Variants in PRUNE1 observed in about 807,000 individuals in gnomAD.
PRUNE1 encodes the protein exopolyphosphatase PRUNE1.
PRUNE1 carries 25 observed loss-of-function variants against 42.5 expected under a neutral mutation model. The ratio of observed to expected loss-of-function variants is 0.59; its 90% confidence interval spans 0.43 to 0.82. The LOEUF is 0.82. Among genes scored for constraint, PRUNE1 ranks in the 40% least tolerant of loss-of-function variants. PRUNE1 has a pLI of 0.00. For synonymous variants in PRUNE1, 203 were observed against 217.1 expected (o/e 0.93, Z 0.57); for missense variants, 443 against 539.3 (o/e 0.82, Z 1.77).
At chr1:151,009,206 G>GTATT (rs1673584726) in intron 1 of PRUNE1, among the ~76,000 whole-genome samples, 1 of 152,140 alleles carries the variant, frequency 6.6e-6, no homozygotes, top group Admixed American at 6.5e-5. Context: ...GTTAGAAGTA[G>GTATT]TCACAGTATT....
intron 6 of PRUNE1, among the ~76,000 whole-genome samples, chr1:151,027,788 G>GCGCA (rs1178253191): frequency 1.3e-3 from 202 of 151,398 alleles, no homozygotes; most frequent in African/African-American, 4.7e-3. Context: ...GTGTGCGCGC[G>GCGCA]CGTGTATGTA....
In PRUNE1 at chr1:151,033,819, T is replaced by G; in HGVS notation, c.947T>G (p.Leu316Arg). The G allele has an allele frequency of 6.2e-7, 1 of 1,613,736 alleles. No homozygotes were observed. Among genetic ancestry groups the G allele is most frequent in the Non-Finnish European group, 8.5e-7 (1 of 1,179,692 alleles). The change falls in exon 8 of 8, where the codon CTG (leucine) becomes CGG (arginine). Residue 316 changes from leucine (L) to arginine (R), a missense_variant. Transcript: ENST00000271620. ...TCTCCTCTTTAGATCTGTGAAGTCC[T>G]GGAACGCTCCCACTCTCCACCCCTG... ...VALQTTICEVLERSHSPPLKL... is the reference protein window; with the variant it reads ...VALQTTICEVRERSHSPPLKL...
Position 151,008,609 on chromosome 1 carries a change from C to G in PRUNE1, c.-24C>G. The G allele has an allele frequency of 1.2e-6, 2 of 1,614,064 alleles. No individual in the cohort carries two copies. The highest frequency in any genetic ancestry group is 1.7e-6 in the Non-Finnish European group (2 of 1,179,946). On this transcript the variant is annotated 5_prime_UTR_variant, in exon 1 of 8. Transcript: ENST00000271620. ...AGGGGCACCTCTACTCGACCAGGGG[C>G]GACGGCGTACTTTGGGCTTCATCAT... is the stretch of plus-strand genomic sequence containing the variant.
chr1:151,027,584 A>ATTTTTTT (rs34162206), intron 6 of PRUNE1, among the ~76,000 whole-genome samples: 3,575 of 134,836 alleles, frequency 0.027, 168 homozygotes, highest in African/African-American at 0.094. Flanking sequence ...GTCTTTTTTA[A>ATTTTTTT]TTTTTTTTTT....
rs1228458165 is a variant in PRUNE1, at chr1:151,035,473, C to T, written c.*1239C>T. The T allele has an allele frequency of 2.0e-5, 3 of 152,532 alleles. No homozygotes were observed. The highest frequency in any genetic ancestry group is 4.4e-5 in the Non-Finnish European group (3 of 68,020). The allele number at this position is 152,532 out of a possible 1,614,324, so 9.4% of individuals were successfully genotyped here. On this transcript the variant is annotated 3_prime_UTR_variant, in exon 8 of 8. Coordinates refer to ENST00000271620, the MANE Select transcript of PRUNE1 (RefSeq NM_021222.3). ...ACGCAACCCTTTCCCCTTTTTCCTA[C>T]CCCACAGCTCTGTTCCATGTAAGTT...
intron 6 of PRUNE1, 73 bp from the exon 7 acceptor site, chr1:151,028,713 G>A (rs757692095): frequency 2.6e-5 from 39 of 1,514,612 alleles, no homozygotes; most frequent in Admixed American, 9.0e-5. Flanking sequence ...GTAAGCGACC[G>A]TGCCCGGCCC....
In PRUNE1 at chr1:151,018,566, A is replaced by T. The variant is rs1403481190; in HGVS notation, c.232A>T (p.Ile78Phe). 6.2e-7 allele frequency: 1 copy of T among 1,613,964 alleles called. No homozygotes were observed. The highest frequency in any genetic ancestry group is 8.5e-7 in the Non-Finnish European group (1 of 1,179,926). Reference protein sequence around the residue: ...DIVFFLQKVHIPESILIFRDE... With the variant: ...DIVFFLQKVHFPESILIFRDE... ...TGTCTTCTTTCTTCAGAAGGTTCATATTCCAGAGAGTATCTTGATTTTTCG... is the reference window on the plus strand; with the variant it reads ...TGTCTTCTTTCTTCAGAAGGTTCATTTTCCAGAGAGTATCTTGATTTTTCG... The change falls in exon 3 of 8, where the codon ATT (isoleucine) becomes TTT (phenylalanine). Residue 78 changes from isoleucine to phenylalanine, a missense_variant. Transcript: ENST00000271620.
chr1:151,029,395 T>G (rs1675092111), intron 7 of PRUNE1, among the ~76,000 whole-genome samples: 1 of 132,256 alleles, frequency 7.6e-6, no homozygotes, highest in South Asian at 2.6e-4. Flanking sequence ...TTTGAGACAG[T>G]CTTGTGCTGT....
rs1333421602 is a variant in PRUNE1, at chr1:151,018,617, T to C, written c.283T>C (p.Tyr95His). 1 of 1,614,212 alleles carries C rather than the reference T, an allele frequency of 6.2e-7. No individual in the cohort carries two copies. Among genetic ancestry groups the C allele is most frequent in the Non-Finnish European group, 8.5e-7 (1 of 1,180,028 alleles). Residue 95 changes from tyrosine (Y) to histidine (H), a missense_variant, in exon 3 of 8, where the codon TAC (tyrosine) becomes CAC (histidine). By Grantham distance (83) the Tyr-to-His change is moderately conservative (BLOSUM62 2). Coordinates refer to ENST00000271620, the MANE Select transcript of PRUNE1 (RefSeq NM_021222.3). ...GGATGAGATTGACCTCCATGCATTA[T>C]ACCAGGCTGGCCAACTCACCCTCAT... is the stretch of plus-strand genomic sequence containing the variant. ...FRDEIDLHAL[Y>H]QAGQLTLILV... is the part of the protein sequence containing the mutation.
intron 3 of PRUNE1, among the ~76,000 whole-genome samples, chr1:151,024,410 G>A (rs1404843651): frequency 6.6e-6 from 1 of 151,860 alleles, no homozygotes; most frequent in Non-Finnish European, 1.5e-5. Context: ...CAGGAGAATC[G>A]CTTGAACCCG....
intron 3 of PRUNE1, among the ~76,000 whole-genome samples, chr1:151,019,671 T>C (rs1320912087): frequency 1.9e-4 from 29 of 151,940 alleles, no homozygotes; most frequent in Admixed American, 1.8e-3. Flanking sequence ...TACTTACTTA[T>C]TAAATTTTTT....
chr1:151,016,519 G>C (rs1310553928), intron 1 of PRUNE1, among the ~76,000 whole-genome samples: 2 of 151,968 alleles, frequency 1.3e-5, no homozygotes, highest in East Asian at 3.9e-4. Flanking sequence ...TTATTTATTT[G>C]AGATGGAGTT....
intron 1 of PRUNE1, among the ~76,000 whole-genome samples, chr1:151,015,774 G>T (rs754559041): frequency 4.3e-4 from 66 of 152,064 alleles, no homozygotes; most frequent in Non-Finnish European, 8.4e-4. Flanking sequence ...ATGCACTCCA[G>T]CCTGGGTTAC....
intron 6 of PRUNE1, among the ~76,000 whole-genome samples, chr1:151,027,786 G>A (rs587620419): frequency 8.3e-4 from 122 of 146,738 alleles, no homozygotes; most frequent in African/African-American, 2.4e-3. Flanking sequence ...GTGTGTGCGC[G>A]CGCGTGTATG....
intron 1 of PRUNE1, among the ~76,000 whole-genome samples, chr1:151,015,523 A>G (rs1674055214): frequency 6.6e-6 from 1 of 150,772 alleles, no homozygotes; most frequent in Admixed American, 6.7e-5. Flanking sequence ...AATCCCAGCT[A>G]CTCAGGAGGC....
At chr1:151,013,786 G>A (rs1673927019) in intron 1 of PRUNE1, among the ~76,000 whole-genome samples, 1 of 152,160 alleles carries the variant, frequency 6.6e-6, no homozygotes, top group South Asian at 2.1e-4. Context: ...GTGCTTTGCT[G>A]TCACTTTGGT....
chr1:151,016,108 A>T (rs1285650268), intron 1 of PRUNE1, among the ~76,000 whole-genome samples: 1 of 151,900 alleles, frequency 6.6e-6, no homozygotes, highest in African/African-American at 2.4e-5. Context: ...ATCATGGCGC[A>T]TGCCTATAGT....
chr1:151,028,863 C>A lies in PRUNE1; in HGVS notation c.852C>A (p.Ala284=), dbSNP rs2102937379. ...CQAHSYDVLV[A]MTIFFNTHNE... ...CTCACAGCTATGATGTCCTGGTTGC[C>A]ATGACTATCTTTTTCAACACTCACA... is the stretch of plus-strand genomic sequence containing the variant. The change falls in exon 7 of 8, where the codon GCC becomes GCA. Residue 284 remains alanine, a synonymous_variant. Coordinates refer to ENST00000271620, the MANE Select transcript of PRUNE1 (RefSeq NM_021222.3). 6.2e-7 allele frequency: 1 copy of A among 1,613,996 alleles called. No individual in the cohort carries two copies. The highest frequency in any genetic ancestry group is 2.2e-5 in the East Asian group (1 of 44,884).
chr1:151,028,732 T>C, intron 6 of PRUNE1, 54 bp from the exon 7 acceptor site: 4 of 1,579,516 alleles, frequency 2.5e-6, no homozygotes, highest in Non-Finnish European at 3.5e-6. Context: ...CCAAGGATGT[T>C]TTATTGATGA....
Sources: gnomAD v4.1 joint callset for allele counts (sites outside exome capture counted in the v4.1 genomes callset) on GRCh38, gnomAD v4.1.1 for gene constraint, MANE v1.5 for transcripts, NCBI Gene and HGNC (gene_info 2026-07-23, HGNC 2026-07-21) for gene names.